NDST4: variants seen among roughly 807,000 people sequenced by gnomAD.
The protein encoded by NDST4 is N-deacetylase and N-sulfotransferase 4, also known as N-heparan sulfate sulfotransferase 4.
Under a neutral mutation model 100.8 loss-of-function variants are expected in NDST4, and 63 were observed. That is an observed-to-expected ratio of 0.62 (90% CI 0.51 to 0.77). The LOEUF is 0.77. Among genes scored for constraint, NDST4 ranks in the 30% least tolerant of loss-of-function variants. NDST4 has a pLI of 0.00. For synonymous variants in NDST4, 377 were observed against 361.8 expected (o/e 1.04, Z -0.48); for missense variants, 943 against 1,018.4 (o/e 0.93, Z 1.01).
intron 6 of NDST4, among the ~76,000 whole-genome samples, chr4:114,907,098 T>C (rs141400733): frequency 4.7e-4 from 71 of 152,258 alleles, no homozygotes; most frequent in African/African-American, 1.6e-3. Flanking sequence ...CTATAGCACA[T>C]TGGTAAATTA....
At chr4:115,020,403 C>T (rs1253632682) in intron 2 of NDST4, among the ~76,000 whole-genome samples, 2 of 152,044 alleles carry the variant, frequency 1.3e-5, no homozygotes, top group Admixed American at 1.3e-4. Flanking sequence ...ACTAGGATAT[C>T]TGGTGGAAGA....
intron 1 of NDST4, among the ~76,000 whole-genome samples, chr4:115,081,384 C>T (rs1729299958): frequency 6.6e-6 from 1 of 152,006 alleles, no homozygotes; most frequent in Admixed American, 6.6e-5. Flanking sequence ...TGTCTCACAC[C>T]TGAAGTAAGA....
chr4:114,959,518 T>C (rs568041176), intron 4 of NDST4, among the ~76,000 whole-genome samples: 17 of 152,268 alleles, frequency 1.1e-4, no homozygotes, highest in Admixed American at 5.2e-4. Flanking sequence ...ATGAGACTTA[T>C]TCACTGTCTG....
chr4:115,086,128 T>A (rs554971168), intron 1 of NDST4, among the ~76,000 whole-genome samples: 77 of 152,246 alleles, frequency 5.1e-4, no homozygotes, highest in African/African-American at 1.8e-3. Flanking sequence ...ATCAATGCAG[T>A]CTCTTATGAT....
At chr4:115,099,869 T>C (rs113003376) in intron 1 of NDST4, among the ~76,000 whole-genome samples, 3,502 of 152,244 alleles carry the variant, frequency 0.023, 78 homozygotes, top group African/African-American at 0.051. Context: ...AGATGTTTTA[T>C]TGCAGCTTTA....
At chr4:115,082,155 C>A (rs116120333) in intron 1 of NDST4, among the ~76,000 whole-genome samples, 1,673 of 152,152 alleles carry the variant, frequency 0.011, 15 homozygotes, top group African/African-American at 0.02. Flanking sequence ...ACCTTCTATC[C>A]TTCCAAATGT....
chr4:115,004,330 T>C (rs538188262), intron 2 of NDST4, among the ~76,000 whole-genome samples: 3 of 152,288 alleles, frequency 2.0e-5, no homozygotes, highest in African/African-American at 7.2e-5. Flanking sequence ...ACCAAAACAA[T>C]AAATATATAA....
chr4:114,895,732 T>C (rs1724699705), intron 6 of NDST4, among the ~76,000 whole-genome samples: 2 of 152,056 alleles, frequency 1.3e-5, no homozygotes, highest in South Asian at 4.1e-4. Context: ...GTGAAAATCC[T>C]CAATAAAATA....
intron 4 of NDST4, among the ~76,000 whole-genome samples, chr4:114,957,520 A>G (rs1726166339): frequency 6.6e-6 from 1 of 152,206 alleles, no homozygotes; most frequent in Non-Finnish European, 1.5e-5. Flanking sequence ...TGACACAGCC[A>G]AACCAAATCA....
chr4:115,004,491 C>T (rs917384479), intron 2 of NDST4, among the ~76,000 whole-genome samples: 1 of 152,054 alleles, frequency 6.6e-6, no homozygotes, highest in Non-Finnish European at 1.5e-5. Flanking sequence ...TTTGGGTGCA[C>T]TATGTACAAC....
chr4:114,838,894 A>G (rs1316928939), intron 11 of NDST4, among the ~76,000 whole-genome samples: 1 of 150,794 alleles, frequency 6.6e-6, no homozygotes, highest in Non-Finnish European at 1.5e-5. Context: ...ATGTTCCTGT[A>G]GCCATTATAA....
chr4:114,885,336 T>C (rs1724455472), intron 6 of NDST4, among the ~76,000 whole-genome samples: 2 of 152,144 alleles, frequency 1.3e-5, no homozygotes, highest in Admixed American at 1.3e-4. Flanking sequence ...TCTGCTATTA[T>C]AGATTAAAAA....
intron 4 of NDST4, among the ~76,000 whole-genome samples, chr4:114,950,616 C>T (rs1427403944): frequency 6.6e-6 from 1 of 152,064 alleles, no homozygotes; most frequent in Non-Finnish European, 1.5e-5. Flanking sequence ...GGCAGTACTT[C>T]CCAATCCATA....
chr4:114,882,519 C>A (rs1319883364), intron 6 of NDST4, among the ~76,000 whole-genome samples: 1 of 151,588 alleles, frequency 6.6e-6, no homozygotes, highest in Non-Finnish European at 1.5e-5. Context: ...TTCAACATGG[C>A]CAGGCAACAA....
intron 1 of NDST4, among the ~76,000 whole-genome samples, chr4:115,082,791 A>G (rs1470811231): frequency 8.4e-6 from 1 of 118,708 alleles, no homozygotes; most frequent in Non-Finnish European, 2.1e-5. Context: ...ACTGTAGAGA[A>G]GAAACAAAGA....
intron 2 of NDST4, among the ~76,000 whole-genome samples, chr4:115,018,500 G>C (rs1255001089): frequency 6.6e-6 from 1 of 151,584 alleles, no homozygotes; most frequent in Admixed American, 6.6e-5. Context: ...TAAATCATTT[G>C]TTCACCAATA....
At chr4:114,862,359 C>A (rs1723935892) in intron 7 of NDST4, among the ~76,000 whole-genome samples, 1 of 152,090 alleles carries the variant, frequency 6.6e-6, no homozygotes, top group African/African-American at 2.4e-5. Flanking sequence ...TAAAGAACTT[C>A]ATTTCTGTAC....
At chr4:115,085,126 G>A (rs187605872) in intron 1 of NDST4, among the ~76,000 whole-genome samples, 5 of 152,320 alleles carry the variant, frequency 3.3e-5, no homozygotes, top group Admixed American at 2.6e-4. Flanking sequence ...GGAGTCAAAG[G>A]AGATAATTTT....
At chr4:114,956,563 T>C (rs1379214621) in intron 4 of NDST4, among the ~76,000 whole-genome samples, 1 of 152,180 alleles carries the variant, frequency 6.6e-6, no homozygotes, top group Non-Finnish European at 1.5e-5. Flanking sequence ...GAGTGCCTTT[T>C]GTCAAAAGCA....
Sources: allele counts gnomAD v4.1 joint callset (sites outside exome capture counted in the v4.1 genomes callset), GRCh38; gene constraint gnomAD v4.1.1; transcripts MANE v1.5; gene names NCBI Gene and HGNC (gene_info 2026-07-23, HGNC 2026-07-21).